MAP2: variants seen among roughly 807,000 people sequenced by gnomAD.
The protein encoded by MAP2 is microtubule-associated protein 2.
Under a neutral mutation model 137.6 loss-of-function variants are expected in MAP2, and 14 were observed. That is an observed-to-expected ratio of 0.10 (90% CI 0.07 to 0.16). MAP2 has a LOEUF of 0.16. MAP2 is among the 10% of genes least tolerant of loss of function. MAP2 has a pLI of 1.00. For synonymous variants in MAP2, 786 were observed against 782.3 expected, an observed-to-expected ratio of 1.00 and a Z score of -0.08; for missense variants, 2,088 against 2,191.5, an observed-to-expected ratio of 0.95 and a Z score of 0.94.
chr2:209,463,584 T>C (rs907109359), intron 1 of MAP2, among the ~76,000 whole-genome samples: 6 of 152,206 alleles, frequency 3.9e-5, no homozygotes, highest in Non-Finnish European at 8.8e-5. Context: ...CAATGAGATA[T>C]AATCATAATA....
chr2:209,686,565 A>C (rs2057091480), intron 7 of MAP2, among the ~76,000 whole-genome samples: 2 of 152,228 alleles, frequency 1.3e-5, no homozygotes, highest in African/African-American at 4.8e-5. Context: ...AAGTAAATAA[A>C]TAGTGATTAG....
chr2:209,715,570 G>A lies in MAP2; in HGVS notation c.5073+5316G>A, dbSNP rs372803673. On this transcript the variant is annotated intron_variant, in intron 13 of 15. Coordinates refer to ENST00000682079, the MANE Select transcript of MAP2 (RefSeq NM_001375505.1). ...AGTGCTAAGTATGGAGAAAAATAAA[G>A]ATAAGAAAGAGGCTCAGGATATGTT... Among the ~76,000 whole-genome samples, 79 of 152,214 alleles carry A rather than the reference G, an allele frequency of 5.2e-4. No individual in the cohort carries two copies. In the South Asian group the frequency reaches 0.015, roughly 30 times the overall value.
chr2:209,596,505 T>A (rs1354960605), intron 3 of MAP2, among the ~76,000 whole-genome samples: 1 of 152,220 alleles, frequency 6.6e-6, no homozygotes, highest in Non-Finnish European at 1.5e-5. Context: ...TCTAGTGACA[T>A]GACATACTTT....
At chr2:209,669,314 A>G (rs1460189775) in intron 5 of MAP2, among the ~76,000 whole-genome samples, 1 of 152,082 alleles carries the variant, frequency 6.6e-6, no homozygotes, top group Non-Finnish European at 1.5e-5. Flanking sequence ...TGTATTTTGA[A>G]CAAAGTGATT....
At chr2:209,450,453 A>G (rs1164308921) in intron 1 of MAP2, among the ~76,000 whole-genome samples, 20 of 152,232 alleles carry the variant, frequency 1.3e-4, no homozygotes, top group Admixed American at 1.3e-3. Context: ...TTTACAGATT[A>G]GTAACATTTC....
intron 1 of MAP2, among the ~76,000 whole-genome samples, chr2:209,497,637 C>A (rs1249010442): frequency 2.0e-5 from 3 of 152,088 alleles, no homozygotes; most frequent in Non-Finnish European, 4.4e-5. Context: ...ACTCAGGGAG[C>A]TTTTTCTCCT....
At chr2:209,573,995 A>G (rs1323878300) in intron 2 of MAP2, among the ~76,000 whole-genome samples, 1 of 152,144 alleles carries the variant, frequency 6.6e-6, no homozygotes, top group Non-Finnish European at 1.5e-5. Flanking sequence ...CTATGAATAT[A>G]CCACATTTTT....
chr2:209,585,912 T>A (rs13432941), intron 3 of MAP2, among the ~76,000 whole-genome samples: 8,195 of 152,236 alleles, frequency 0.054, 509 homozygotes, highest in South Asian at 0.23. Flanking sequence ...TGCCAGCATC[T>A]GTGAAAGGCA....
rs35758041 is a variant in MAP2 at position 209,698,007 on chromosome 2, A to ATT, written c.4522+969_4522+970dup. 1.4e-4 allele frequency among the ~76,000 whole-genome samples: 20 copies of ATT among 144,772 alleles called. No individual in the cohort carries two copies. In the East Asian group the frequency reaches 1.4e-3, roughly 10 times the overall value. The allele number at this position is 144,772 out of a possible 152,430, so 95.0% of individuals were successfully genotyped here. On this transcript the variant is annotated intron_variant, in intron 10 of 15. Transcript: ENST00000682079. ...GGGATTACAGGCGTGCACCCAGCTA[A>ATT]TTTTTTTTTTTTTTGTATTTTTAGT...
At chr2:209,638,305 A>C (rs1193423931) in intron 4 of MAP2, among the ~76,000 whole-genome samples, 2 of 152,126 alleles carry the variant, frequency 1.3e-5, no homozygotes, top group Non-Finnish European at 2.9e-5. Context: ...GTTGGATCAA[A>C]CTTGGGTTGC....
intron 1 of MAP2, among the ~76,000 whole-genome samples, chr2:209,497,645 C>T (rs1052938877): frequency 6.6e-6 from 1 of 152,080 alleles, no homozygotes; most frequent in South Asian, 2.1e-4. Context: ...AGCTTTTTCT[C>T]CTGGCAGAAA....
chr2:209,586,870 A>T (rs1413426266), intron 3 of MAP2, among the ~76,000 whole-genome samples: 1 of 152,198 alleles, frequency 6.6e-6, no homozygotes. Context: ...TTGGTGAGCA[A>T]GTCTGAAGTG....
intron 3 of MAP2, among the ~76,000 whole-genome samples, chr2:209,594,157 A>G (rs2080575172): frequency 7.1e-6 from 1 of 140,634 alleles, no homozygotes; most frequent in Non-Finnish European, 1.5e-5. Context: ...AAAAAAAAGC[A>G]GGCATCCCAG....
chr2:209,484,554 G>T (rs1322815804), intron 1 of MAP2, among the ~76,000 whole-genome samples: 2 of 152,162 alleles, frequency 1.3e-5, no homozygotes, highest in Non-Finnish European at 2.9e-5. Flanking sequence ...GTCTGGCGTG[G>T]TTGCAGGCGC....
At chr2:209,428,366 A>G (rs1256929022) in intron 1 of MAP2, among the ~76,000 whole-genome samples, 1 of 148,762 alleles carries the variant, frequency 6.7e-6, no homozygotes, top group Non-Finnish European at 1.5e-5. Context: ...AACACACACT[A>G]GAGGGGGCAA....
intron 3 of MAP2, among the ~76,000 whole-genome samples, chr2:209,621,615 A>G (rs900403055): frequency 3.9e-5 from 6 of 152,140 alleles, no homozygotes; most frequent in Admixed American, 1.3e-4. Flanking sequence ...ACTAAATGAT[A>G]CTTACAATGT....
chr2:209,555,422 G>T (rs924403150), intron 2 of MAP2, among the ~76,000 whole-genome samples: 2 of 152,138 alleles, frequency 1.3e-5, no homozygotes, highest in East Asian at 3.9e-4. Context: ...CCGAGAGTTG[G>T]ACAATTTTGT....
At position 209,686,237 on chromosome 2, in the gene MAP2, T is replaced by C. The variant is rs573041857; in HGVS notation, c.454+5410T>C. 3.7e-4 allele frequency among the ~76,000 whole-genome samples: 56 copies of C among 152,314 alleles called. No individual in the cohort carries two copies. In the South Asian group the frequency reaches 0.011, roughly 29 times the overall value. ...CTGCTATCCCATGATATAAAAAGCATTGTGGCTGAGAAAGTTCTGAGCATC... is the reference window on the plus strand; with the variant it reads ...CTGCTATCCCATGATATAAAAAGCACTGTGGCTGAGAAAGTTCTGAGCATC... On this transcript the variant is annotated intron_variant, in intron 7 of 15. Coordinates refer to ENST00000682079, the MANE Select transcript of MAP2 (RefSeq NM_001375505.1).
At chr2:209,697,114 A>C in intron 10 of MAP2, 63 bp downstream of exon 10, 41 of 1,450,462 alleles carry the variant, frequency 2.8e-5, no homozygotes, top group Non-Finnish European at 3.5e-5. Context: ...TTTAAATCTC[A>C]TTACTGTAGC....
Sources: allele counts gnomAD v4.1 joint callset (sites outside exome capture counted in the v4.1 genomes callset), GRCh38; gene constraint gnomAD v4.1.1; transcripts MANE v1.5; gene names NCBI Gene and HGNC (gene_info 2026-07-23, HGNC 2026-07-21).